GLYATL2: variants seen among roughly 807,000 people sequenced by gnomAD.
The protein encoded by GLYATL2 is glycine N-acyltransferase-like protein 2.
In GLYATL2, 25 loss-of-function variants were observed where a neutral mutation model predicts 21.4. The ratio of observed to expected loss-of-function variants is 1.17; its 90% CI spans 0.85 to 1.63. GLYATL2 has a LOEUF of 1.63. GLYATL2 is among the 40% of genes most tolerant of loss of function. GLYATL2 has a pLI of 0.00. For missense variants in GLYATL2, 361 were observed against 343.3 expected (o/e 1.05, Z -0.41); for synonymous variants, 114 against 118.2 (o/e 0.96, Z 0.23).
chr11:58,869,224 GA>G (rs1162660481), intron 1 of GLYATL2, among the ~76,000 whole-genome samples: 1 of 152,210 alleles, frequency 6.6e-6, no homozygotes, highest in Non-Finnish European at 1.5e-5. Flanking sequence ...CGGGAAATTA[GA>G]ATTTGATAAA....
chr11:58,896,134 C>T (rs1315583049), intron 1 of GLYATL2, among the ~76,000 whole-genome samples: 1 of 152,158 alleles, frequency 6.6e-6, no homozygotes, highest in East Asian at 1.9e-4. Flanking sequence ...GTATTACAGG[C>T]ATGAGCTACC....
chr11:58,858,540 T>C (rs2134592597), intron 1 of GLYATL2, among the ~76,000 whole-genome samples: 1 of 152,270 alleles, frequency 6.6e-6, no homozygotes, highest in South Asian at 2.1e-4. Context: ...AGCTGATGGT[T>C]CTTAAGATGT....
chr11:58,859,172 T>G (rs1168526916), intron 1 of GLYATL2, among the ~76,000 whole-genome samples: 1 of 152,060 alleles, frequency 6.6e-6, no homozygotes, highest in African/African-American at 2.4e-5. Flanking sequence ...TATTTCCTAG[T>G]TCAACTTGAG....
At chr11:58,881,557 C>T (rs1590744656) in intron 1 of GLYATL2, among the ~76,000 whole-genome samples, 1 of 152,096 alleles carries the variant, frequency 6.6e-6, no homozygotes, top group Non-Finnish European at 1.5e-5. Flanking sequence ...CTATTCTAAG[C>T]TTTCCAGTCA....
chr11:58,885,338 C>A (rs1590747324), intron 1 of GLYATL2: 2 of 296,738 alleles, frequency 6.7e-6, no homozygotes, highest in South Asian at 3.7e-5. Flanking sequence ...AGTCCCAGTA[C>A]TGTCTTTTGA....
intron 1 of GLYATL2, among the ~76,000 whole-genome samples, chr11:58,861,484 A>G (rs181922038): frequency 6.6e-6 from 1 of 151,666 alleles, no homozygotes; most frequent in African/African-American, 2.4e-5. Flanking sequence ...GTCTGGATAA[A>G]GGTTTGTCAA....
chr11:58,846,492 G>A (rs11820489), upstream of GLYATL2, among the ~76,000 whole-genome samples: 8,155 of 151,212 alleles, frequency 0.054, 624 homozygotes, highest in African/African-American at 0.16. Context: ...AGTAGCAGTA[G>A]TGTGGTGCAC....
chr11:58,851,363 T>C (rs1044245938), intron 1 of GLYATL2, among the ~76,000 whole-genome samples: 2 of 152,224 alleles, frequency 1.3e-5, no homozygotes, highest in Non-Finnish European at 2.9e-5. Context: ...ATTTTATCTT[T>C]CATTCTGTTG....
intron 1 of GLYATL2, among the ~76,000 whole-genome samples, chr11:58,890,754 G>A (rs1854528541): frequency 6.6e-6 from 1 of 151,048 alleles, no homozygotes; most frequent in African/African-American, 2.4e-5. Flanking sequence ...CTCTGTTTCC[G>A]TTCTCATCTC....
chr11:58,898,840 A>G (rs962166766), intron 1 of GLYATL2, among the ~76,000 whole-genome samples: 6 of 152,180 alleles, frequency 3.9e-5, no homozygotes, highest in African/African-American at 1.4e-4. Context: ...CTTAAAAAAA[A>G]TAAAATAAAA....
At chr11:58,906,489 T>A (rs1047584212), upstream of GLYATL2, among the ~76,000 whole-genome samples, 1 of 151,064 alleles carries the variant, frequency 6.6e-6, no homozygotes, top group Non-Finnish European at 1.5e-5. Flanking sequence ...AGTGAGGGGG[T>A]GCTTTTTAAG....
chr11:58,879,759 C>T (rs1192248804), intron 1 of GLYATL2, among the ~76,000 whole-genome samples: 1 of 151,898 alleles, frequency 6.6e-6, no homozygotes, highest in Non-Finnish European at 1.5e-5. Context: ...GGGGGTGATG[C>T]TTGTAGAGCA....
intron 1 of GLYATL2, among the ~76,000 whole-genome samples, chr11:58,869,471 C>T (rs909002094): frequency 6.6e-6 from 1 of 152,118 alleles, no homozygotes; most frequent in African/African-American, 2.4e-5. Context: ...GGTTCACAGC[C>T]TTCACTGGTT....
At chr11:58,840,765 G>A (rs1263357309) in intron 1 of GLYATL2, 1 of 151,680 alleles carries the variant, frequency 6.6e-6, no homozygotes, top group Non-Finnish European at 1.5e-5. Flanking sequence ...CTTGAACCAA[G>A]GAAGAGGAGG....
At chr11:58,883,646 G>T (rs1302283580) in intron 1 of GLYATL2, among the ~76,000 whole-genome samples, 3 of 152,160 alleles carry the variant, frequency 2.0e-5, no homozygotes, top group Non-Finnish European at 4.4e-5. Context: ...GTACAAGGAG[G>T]AGCTGGTACC....
intron 1 of GLYATL2, among the ~76,000 whole-genome samples, chr11:58,886,151 A>C (rs573314791): frequency 6.6e-6 from 1 of 152,128 alleles, no homozygotes; most frequent in Non-Finnish European, 1.5e-5. Flanking sequence ...CAGGAGGTCG[A>C]GGTTGCATTG....
chr11:58,893,164 A>C, intron 1 of GLYATL2: 1 of 379,686 alleles, frequency 2.6e-6, no homozygotes, highest in Non-Finnish European at 5.0e-6. Flanking sequence ...CATAGGAGCC[A>C]TGCCAGCAGC....
In GLYATL2 at chr11:58,876,993, C is replaced by T. The variant is rs1287635312; in HGVS notation, n.60+27163G>A. On this transcript the variant is annotated intron_variant and non_coding_transcript_variant, in intron 1 of 4. Transcript: ENST00000533636. ...CTACTCAAGTCTGAGCAATGGCAGG[C>T]GCCCCTCCCCCAGCCTTGCTGCTGC... Among the ~76,000 whole-genome samples the T allele has an allele frequency of 2.0e-5, 3 of 152,236 alleles. No homozygotes were observed. In the South Asian group the frequency reaches 6.2e-4, roughly 31 times the overall value.
At chr11:58,875,009 C>A (rs1854200663) in intron 1 of GLYATL2, among the ~76,000 whole-genome samples, 1 of 152,184 alleles carries the variant, frequency 6.6e-6, no homozygotes, top group Non-Finnish European at 1.5e-5. Context: ...ATAGTTAGTT[C>A]TTCTTGTTGA....
Sources: gnomAD v4.1 joint callset for allele counts (sites outside exome capture counted in the v4.1 genomes callset) on GRCh38, gnomAD v4.1.1 for gene constraint, MANE v1.5 for transcripts, NCBI Gene and HGNC (gene_info 2026-07-23, HGNC 2026-07-21) for gene names.